Variants in EEF1AKMT1 observed in about 807,000 individuals in gnomAD.
EEF1AKMT1 encodes the protein EEF1A lysine methyltransferase 1, also known as N-6 adenine-specific DNA methyltransferase 2 (putative).
Under a neutral mutation model 21.0 loss-of-function variants are expected in EEF1AKMT1, and 18 were observed. That is an observed-to-expected ratio of 0.86 (90% CI 0.59 to 1.27). EEF1AKMT1 has a LOEUF of 1.27. Among genes scored for constraint, EEF1AKMT1 ranks in the 50% most tolerant of loss-of-function variants. The pLI is 0.00. For missense variants in EEF1AKMT1, 246 were observed against 258.6 expected (o/e 0.95, Z 0.33); for synonymous variants, 109 against 94.8 (o/e 1.15, Z -0.87).
chr13:20,746,938 A>G (rs2058908741), intron 2 of EEF1AKMT1: 2 of 152,428 alleles, frequency 1.3e-5, no homozygotes, highest in African/African-American at 4.8e-5. Context: ...AAATGGTGAC[A>G]TTTACTTTGA....
At chr13:20,772,651 G>A (rs1244706553) in intron 1 of EEF1AKMT1, among the ~76,000 whole-genome samples, 2 of 152,168 alleles carry the variant, frequency 1.3e-5, no homozygotes, top group Non-Finnish European at 2.9e-5. Flanking sequence ...AGGAGTGAAA[G>A]AGCAGGTGGA....
At chr13:20,731,445 C>G (rs1258479577) in intron 4 of EEF1AKMT1, among the ~76,000 whole-genome samples, 1 of 152,212 alleles carries the variant, frequency 6.6e-6, no homozygotes, top group Non-Finnish European at 1.5e-5. Context: ...AGTAAGAAAA[C>G]TCTTCTACAT....
Position 20,737,709 on chromosome 13 carries a change from A to T in EEF1AKMT1, c.227+14T>A. The T allele has an allele frequency of 6.2e-7, 1 of 1,607,766 alleles. No homozygotes were observed. The highest frequency in any genetic ancestry group is 1.1e-5 in the South Asian group (1 of 89,994). On this transcript the variant is annotated intron_variant, in intron 3 of 4. Coordinates refer to ENST00000382758, the MANE Select transcript of EEF1AKMT1 (RefSeq NM_001318939.2). ...ATTACATTAGATGCCAAAAAGAGAA[A>T]ATTTGAATCTCACCTGCCACCTTCT...
chr13:20,764,005 T>A (rs1476540689), intron 1 of EEF1AKMT1, among the ~76,000 whole-genome samples: 1 of 152,150 alleles, frequency 6.6e-6, no homozygotes, highest in Admixed American at 6.5e-5. Flanking sequence ...CTGTTTTCTC[T>A]TTTTTCTTAC....
At chr13:20,735,757 G>T (rs1199757182) in intron 3 of EEF1AKMT1, among the ~76,000 whole-genome samples, 2 of 152,084 alleles carry the variant, frequency 1.3e-5, no homozygotes, top group Non-Finnish European at 2.9e-5. Context: ...AAAGCATTTT[G>T]GAGTAAATAG....
Position 20,745,314 on chromosome 13 carries a change from G to C in EEF1AKMT1, c.145-7509C>G, listed in dbSNP as rs567116827. ...AAATATTGATTCTTCCTATCCAAGGGCATGGAATTTTTTTCCATTTGTTTA... is the reference window on the plus strand; with the variant it reads ...AAATATTGATTCTTCCTATCCAAGGCCATGGAATTTTTTTCCATTTGTTTA... On this transcript the variant is annotated intron_variant, in intron 2 of 4. Transcript: ENST00000382758. 2.0e-5 allele frequency among the ~76,000 whole-genome samples: 3 copies of C among 152,266 alleles called. No homozygotes were observed. In the East Asian group the frequency reaches 5.8e-4, roughly 29 times the overall value.
chr13:20,738,818 G>C (rs915762939), intron 2 of EEF1AKMT1, among the ~76,000 whole-genome samples: 1 of 152,204 alleles, frequency 6.6e-6, no homozygotes, highest in Non-Finnish European at 1.5e-5. Flanking sequence ...GCCAGGTGTT[G>C]GGAGGATTGA....
chr13:20,768,334 G>A (rs2059046902), intron 1 of EEF1AKMT1, among the ~76,000 whole-genome samples: 1 of 152,200 alleles, frequency 6.6e-6, no homozygotes, highest in Non-Finnish European at 1.5e-5. Flanking sequence ...ACTTAGTCTA[G>A]ACTGATTACA....
At chr13:20,742,002 T>A (rs895294726) in intron 2 of EEF1AKMT1, among the ~76,000 whole-genome samples, 14 of 152,214 alleles carry the variant, frequency 9.2e-5, no homozygotes, top group African/African-American at 3.4e-4. Flanking sequence ...ATTTAATTAT[T>A]CCTGTTACAA....
At chr13:20,759,240 T>C (rs189084975) in intron 1 of EEF1AKMT1, among the ~76,000 whole-genome samples, 7 of 152,308 alleles carry the variant, frequency 4.6e-5, no homozygotes, top group African/African-American at 1.4e-4. Flanking sequence ...GAAAAAATAT[T>C]TGCAAACTAT....
chr13:20,731,689 T>C (rs994067630), intron 4 of EEF1AKMT1, 152 bp downstream of exon 4: 5 of 769,348 alleles, frequency 6.5e-6, no homozygotes, highest in Non-Finnish European at 1.0e-5. Flanking sequence ...TTATCAGTCC[T>C]AGTTTACAGA....
intron 1 of EEF1AKMT1, among the ~76,000 whole-genome samples, chr13:20,762,674 C>T (rs2059006854): frequency 6.6e-6 from 1 of 152,006 alleles, no homozygotes; most frequent in African/African-American, 2.4e-5. Flanking sequence ...CCACCATGCC[C>T]GGCTAACATT....
At position 20,728,969 on chromosome 13, in the gene EEF1AKMT1, A is replaced by G. The variant is rs2058774679; in HGVS notation, c.*111T>C. ...CTTTATTTTGAAAACCAGGCCAGGG[A>G]CAGCTCCAGTTTGGGGGGAGGGGAA... On this transcript the variant is annotated 3_prime_UTR_variant, in exon 5 of 5. Coordinates refer to ENST00000382758, the MANE Select transcript of EEF1AKMT1 (RefSeq NM_001318939.2). 2 of 1,398,322 alleles carry G rather than the reference A, an allele frequency of 1.4e-6. No homozygotes were observed. Among genetic ancestry groups the G allele is most frequent in the South Asian group, 2.5e-5 (2 of 78,710 alleles). 86.6% of individuals were successfully genotyped at this position (1,398,322 alleles called of 1,614,324 possible).
chr13:20,771,782 G>C (rs749937515), intron 1 of EEF1AKMT1, among the ~76,000 whole-genome samples: 17 of 152,222 alleles, frequency 1.1e-4, no homozygotes, highest in Admixed American at 9.8e-4. Flanking sequence ...AGATCGAGGC[G>C]GGCAGATCAC....
chr13:20,754,122 T>C (rs2058958131), intron 2 of EEF1AKMT1, among the ~76,000 whole-genome samples: 1 of 152,182 alleles, frequency 6.6e-6, no homozygotes. Flanking sequence ...TTTGCTTCAA[T>C]GCATAGGACT....
chr13:20,761,509 G>C (rs1301379457), intron 1 of EEF1AKMT1, among the ~76,000 whole-genome samples: 1 of 152,174 alleles, frequency 6.6e-6, no homozygotes, highest in Non-Finnish European at 1.5e-5. Context: ...ATTACAAATA[G>C]AGCTGTTGTG....
intron 4 of EEF1AKMT1, among the ~76,000 whole-genome samples, chr13:20,730,785 C>T (rs182047525): frequency 3.9e-4 from 59 of 152,234 alleles, no homozygotes; most frequent in African/African-American, 1.4e-3. Flanking sequence ...ATAAGCAGGA[C>T]GTGGGCAGGG....
chr13:20,747,459 A>ATTTT (rs1164591974), intron 2 of EEF1AKMT1: 3 of 66,208 alleles, frequency 4.5e-5, no homozygotes, highest in Non-Finnish European at 9.5e-5. Context: ...AGTTAGGCAC[A>ATTTT]TTCTTTTTTT....
chr13:20,751,018 T>C (rs557980065), intron 2 of EEF1AKMT1, among the ~76,000 whole-genome samples: 22 of 152,330 alleles, frequency 1.4e-4, no homozygotes, highest in Middle Eastern at 3.4e-3. Flanking sequence ...TTTGCCCATT[T>C]TAATGGGATT....
Sources: gnomAD v4.1 joint callset for allele counts (sites outside exome capture counted in the v4.1 genomes callset) on GRCh38, gnomAD v4.1.1 for gene constraint, MANE v1.5 for transcripts, NCBI Gene and HGNC (gene_info 2026-07-23, HGNC 2026-07-21) for gene names.